Variants in KCNJ6 observed in about 807,000 individuals in gnomAD.
KCNJ6 encodes potassium inwardly rectifying channel subfamily J member 6.
A neutral mutation model predicts 34.2 loss-of-function variants in KCNJ6; 9 were observed. The ratio of observed to expected loss-of-function variants is 0.26; its 90% CI spans 0.16 to 0.46. The LOEUF (loss-of-function observed/expected upper bound fraction) is 0.46, where lower values mean the gene tolerates loss of function less well. Among genes scored for constraint, KCNJ6 ranks in the 20% least tolerant of loss-of-function variants. KCNJ6 has a pLI of 1.00. For missense variants in KCNJ6, 236 were observed against 531.3 expected (o/e 0.44, Z 5.46); for synonymous variants, 196 against 207.1 (o/e 0.95, Z 0.46).
intron 2 of KCNJ6, among the ~76,000 whole-genome samples, chr21:37,832,170 G>A (rs1445059053): frequency 6.7e-6 from 1 of 148,494 alleles, no homozygotes; most frequent in African/African-American, 2.6e-5. Context: ...AGAGTAATGA[G>A]TTTAAGTCAA....
At chr21:37,635,528 T>G (rs1056798432) in intron 3 of KCNJ6, among the ~76,000 whole-genome samples, 17 of 151,844 alleles carry the variant, frequency 1.1e-4, no homozygotes, top group African/African-American at 3.9e-4. Flanking sequence ...TATTATTTTG[T>G]TTTTTTGAGA....
intron 3 of KCNJ6, among the ~76,000 whole-genome samples, chr21:37,697,586 C>T (rs2054669344): frequency 6.6e-6 from 1 of 152,108 alleles, no homozygotes; most frequent in Non-Finnish European, 1.5e-5. Flanking sequence ...TAAGCCAAAC[C>T]ACATCTTAGG....
chr21:37,715,886 C>T (rs1482001582), intron 2 of KCNJ6, among the ~76,000 whole-genome samples: 1 of 152,188 alleles, frequency 6.6e-6, no homozygotes, highest in African/African-American at 2.4e-5. Flanking sequence ...AATAAATGTC[C>T]ATTGTTTAAG....
intron 3 of KCNJ6, among the ~76,000 whole-genome samples, chr21:37,694,016 TTTTTGTCTAACAG>T (rs955505006): frequency 3.3e-5 from 5 of 152,218 alleles, no homozygotes; most frequent in African/African-American, 1.2e-4. Context: ...TCCCCTAGCC[TTTTTGTCTAACAG>T]TTTTGTGTTG....
chr21:37,811,006 G>A (rs1398749914), intron 2 of KCNJ6, among the ~76,000 whole-genome samples: 1 of 152,170 alleles, frequency 6.6e-6, no homozygotes, highest in African/African-American at 2.4e-5. Context: ...ATGATTAAAA[G>A]CTTGGAACTT....
Position 37,711,076 on chromosome 21 carries a change from C to A in KCNJ6, c.946+3135G>T, listed in dbSNP as rs146409011. On this transcript the variant is annotated intron_variant, in intron 3 of 3. Transcript: ENST00000609713. ...CGTGGGCATGGGTCTGTCTTTTGTG[C>A]AGTCCCTTCAAGGCCATGAAAGGGG... Among the ~76,000 whole-genome samples, 454 of 152,334 alleles carry A rather than the reference C, an allele frequency of 3.0e-3. 6 individuals carry two copies. The highest frequency in any genetic ancestry group is 0.01 in the African/African-American group (424 of 41,566).
chr21:37,734,127 C>T (rs934575714), intron 2 of KCNJ6, among the ~76,000 whole-genome samples: 1 of 152,148 alleles, frequency 6.6e-6, no homozygotes, highest in Non-Finnish European at 1.5e-5. Flanking sequence ...TACCAGAAGA[C>T]GGAGGTTGAA....
In KCNJ6 at chr21:37,620,880, G is replaced by GCT. The variant is rs2054287968; in HGVS notation, c.*4278_*4279insAG. 1 of 152,142 alleles carries GCT rather than the reference G, an allele frequency of 6.6e-6. No homozygotes were observed. Among genetic ancestry groups the GCT allele is most frequent in the African/African-American group, 2.4e-5 (1 of 41,436 alleles). The allele number at this position is 152,142 out of a possible 1,614,324, so 9.4% of individuals were successfully genotyped here. ...CCTTCTGACAGAATTTTGACTTCTA[G>GCT]ATGACACTCTGCATCTAAAGCACTC... On this transcript the variant is annotated 3_prime_UTR_variant, in exon 4 of 4. Coordinates refer to ENST00000609713, the MANE Select transcript of KCNJ6 (RefSeq NM_002240.5).
intron 3 of KCNJ6, among the ~76,000 whole-genome samples, chr21:37,655,789 G>T (rs1163166280): frequency 2.6e-5 from 4 of 152,178 alleles, no homozygotes; most frequent in Admixed American, 2.0e-4. Flanking sequence ...ATAACTAGAG[G>T]CCAGCCCTGG....
At chr21:37,878,933 G>A (rs930897550) in intron 1 of KCNJ6, among the ~76,000 whole-genome samples, 5 of 152,164 alleles carry the variant, frequency 3.3e-5, no homozygotes, top group Admixed American at 6.5e-5. Context: ...TTATTTGTGC[G>A]TATGCCTGAA....
At chr21:37,878,680 G>C (rs1189243141) in intron 1 of KCNJ6, among the ~76,000 whole-genome samples, 3 of 152,210 alleles carry the variant, frequency 2.0e-5, no homozygotes, top group Non-Finnish European at 4.4e-5. Context: ...TTTGATCAAG[G>C]TACCAAATGT....
At chr21:37,838,818 T>A (rs528509241) in intron 2 of KCNJ6, among the ~76,000 whole-genome samples, 117 of 152,268 alleles carry the variant, frequency 7.7e-4, no homozygotes, top group Non-Finnish European at 1.4e-3. Context: ...TAACCCCCAA[T>A]GTTGGAGGTG....
At chr21:37,799,360 G>T (rs4817892) in intron 2 of KCNJ6, among the ~76,000 whole-genome samples, 7 of 152,114 alleles carry the variant, frequency 4.6e-5, no homozygotes, top group Middle Eastern at 3.4e-3. Context: ...GCTTTGAAGG[G>T]GGCAGAAAGG....
At chr21:37,835,237 G>A (rs2055445975) in intron 2 of KCNJ6, among the ~76,000 whole-genome samples, 1 of 152,212 alleles carries the variant, frequency 6.6e-6, no homozygotes, top group South Asian at 2.1e-4. Flanking sequence ...CAGAGAAGGG[G>A]ACAGAAGTGT....
At chr21:37,866,138 T>G (rs1226835988) in intron 1 of KCNJ6, among the ~76,000 whole-genome samples, 1 of 152,122 alleles carries the variant, frequency 6.6e-6, no homozygotes, top group Non-Finnish European at 1.5e-5. Flanking sequence ...AACGCTGGCT[T>G]GAAGCTTCCC....
intron 3 of KCNJ6, among the ~76,000 whole-genome samples, chr21:37,712,468 TCTCCCTCCTCCCTTTCTCTTCC>T (rs1249805606): frequency 7.8e-4 from 72 of 91,818 alleles, no homozygotes; most frequent in East Asian, 2.4e-3. Context: ...CCTCCTCCTC[TCTCCCTCCTCCCTTTCTCTTCC>T]CTCCCTCCTC....
At chr21:37,699,809 T>C (rs1178204796) in intron 3 of KCNJ6, among the ~76,000 whole-genome samples, 4 of 152,152 alleles carry the variant, frequency 2.6e-5, no homozygotes, top group African/African-American at 4.8e-5. Flanking sequence ...TCAGATGGAG[T>C]TTATAAGATG....
intron 1 of KCNJ6, among the ~76,000 whole-genome samples, chr21:37,902,346 T>C (rs1457018925): frequency 6.6e-6 from 1 of 152,238 alleles, no homozygotes; most frequent in Non-Finnish European, 1.5e-5. Flanking sequence ...TACAAGTTAC[T>C]AAGAAAAGAA....
At chr21:37,733,570 C>T (rs2054897207) in intron 2 of KCNJ6, among the ~76,000 whole-genome samples, 1 of 152,196 alleles carries the variant, frequency 6.6e-6, no homozygotes, top group Admixed American at 6.5e-5. Context: ...ACAGCTTATG[C>T]TACCAACTTC....
Sources: gnomAD v4.1 joint callset for allele counts (sites outside exome capture counted in the v4.1 genomes callset) on GRCh38, gnomAD v4.1.1 for gene constraint, MANE v1.5 for transcripts, NCBI Gene and HGNC (gene_info 2026-07-23, HGNC 2026-07-21) for gene names.